NEK10: variants seen among roughly 807,000 people sequenced by gnomAD.
The protein encoded by NEK10 is serine/threonine-protein kinase Nek10.
A neutral mutation model predicts 159.8 loss-of-function variants in NEK10; 122 were observed. That is an observed-to-expected ratio of 0.76 (90% CI 0.66 to 0.89). The LOEUF is 0.89. Among genes scored for constraint, NEK10 ranks in the 40% least tolerant of loss-of-function variants. NEK10 has a pLI of 0.00. For synonymous variants in NEK10, 466 were observed against 457.1 expected (o/e 1.02, Z -0.25); for missense variants, 1,342 against 1,323.1 (o/e 1.01, Z -0.22).
At chr3:27,200,490 C>G (rs1467584159) in intron 25 of NEK10, among the ~76,000 whole-genome samples, 2 of 152,082 alleles carry the variant, frequency 1.3e-5, no homozygotes, top group Admixed American at 6.5e-5. Context: ...CAAGATGGTA[C>G]AGAAATAGCA....
intron 23 of NEK10, among the ~76,000 whole-genome samples, chr3:27,203,714 T>A (rs1458085201): frequency 6.6e-6 from 1 of 152,090 alleles, no homozygotes; most frequent in African/African-American, 2.4e-5. Flanking sequence ...AATTTATAAA[T>A]TGGCATCAAA....
chr3:27,300,405 G>A (rs1385030640), intron 13 of NEK10, among the ~76,000 whole-genome samples: 1 of 152,118 alleles, frequency 6.6e-6, no homozygotes, highest in Non-Finnish European at 1.5e-5. Context: ...CAACCATGTG[G>A]AACTGTAAGT....
chr3:27,131,951 T>A lies in NEK10; in HGVS notation c.3010A>T (p.Ile1004Leu). Residue 1004 changes from isoleucine (I) to leucine (L), a missense_variant, in exon 32 of 36, where the codon ATA becomes TTA. Coordinates refer to ENST00000691995, the MANE Select transcript of NEK10 (RefSeq NM_001394966.1). The part of the protein sequence containing the change: ...ALHHNLKRRV[I>L]ERFKKSLFSQ... Reference sequence around the variant, plus strand: ...AAGAGGGATTTCTTGAATCTCTCTATAACCCTTCTTTTCAAATTGTGGTGC... The same window carrying A: ...AAGAGGGATTTCTTGAATCTCTCTAAAACCCTTCTTTTCAAATTGTGGTGC... 6.2e-7 allele frequency: 1 copy of A among 1,609,012 alleles called. No individual in the cohort carries two copies. The highest frequency in any genetic ancestry group is 8.5e-7 in the Non-Finnish European group (1 of 1,176,294).
intron 30 of NEK10, among the ~76,000 whole-genome samples, chr3:27,156,226 T>C (rs1377456474): frequency 6.6e-6 from 1 of 151,920 alleles, no homozygotes; most frequent in Non-Finnish European, 1.5e-5. Context: ...AAAATCCTTC[T>C]AGAGATTGGC....
At chr3:27,253,777 A>G (rs1443069141) in intron 23 of NEK10, among the ~76,000 whole-genome samples, 1 of 152,210 alleles carries the variant, frequency 6.6e-6, no homozygotes, top group Admixed American at 6.5e-5. Context: ...TCCCAGGTCC[A>G]CATTTATAGG....
rs558428224 is a variant in NEK10 at position 27,136,537 on chromosome 3, G to T, written c.2971-4547C>A. 2.6e-5 allele frequency among the ~76,000 whole-genome samples: 4 copies of T among 152,286 alleles called. No homozygotes were observed. In the East Asian group the frequency reaches 7.7e-4, roughly 29 times the overall value. On this transcript the variant is annotated intron_variant, in intron 31 of 35. Transcript: ENST00000691995. ...ACTGGGCTGTGCAGGTGTGACCTAA[G>T]CAATAACACATAAAGACTCATACTC...
At chr3:27,303,259 T>C (rs778371571) in intron 12 of NEK10, among the ~76,000 whole-genome samples, 5 of 152,204 alleles carry the variant, frequency 3.3e-5, no homozygotes, top group Non-Finnish European at 4.4e-5. Flanking sequence ...AGGATAGTTA[T>C]GACTTCAGCA....
chr3:27,135,354 C>G (rs1407126290), intron 31 of NEK10, among the ~76,000 whole-genome samples: 1 of 152,190 alleles, frequency 6.6e-6, no homozygotes, highest in Non-Finnish European at 1.5e-5. Flanking sequence ...GAAAGTGACT[C>G]TTAAAAAGAT....
chr3:27,353,057 G>C, intron 1 of NEK10, 138 bp from the exon 2 acceptor site: 3 of 584,128 alleles, frequency 5.1e-6, no homozygotes, highest in Non-Finnish European at 9.1e-6. Flanking sequence ...AATAATAAAA[G>C]TGTTAATATG....
rs77059222 is a variant in NEK10, at chr3:27,354,534, G to C, written c.-37-1615C>G. Among the ~76,000 whole-genome samples the C allele has an allele frequency of 6.6e-3, 1,005 of 152,228 alleles. 6 individuals carry two copies. The highest frequency in any genetic ancestry group is 1.0e-2 in the Non-Finnish European group (679 of 68,004). ...TTTCCATTTAATGGCTGCTTAAATGGAGATATTCTGAAAAAAAGCTTTGAG... is the reference window on the plus strand; with the variant it reads ...TTTCCATTTAATGGCTGCTTAAATGCAGATATTCTGAAAAAAAGCTTTGAG... On this transcript the variant is annotated intron_variant, in intron 1 of 35. Coordinates refer to ENST00000691995, the MANE Select transcript of NEK10 (RefSeq NM_001394966.1).
intron 35 of NEK10, among the ~76,000 whole-genome samples, chr3:27,113,179 A>G (rs887855287): frequency 1.3e-5 from 2 of 152,134 alleles, no homozygotes; most frequent in African/African-American, 4.8e-5. Context: ...CATGCCTGTA[A>G]TCCCAGCACT....
At chr3:27,154,459 C>T (rs935067620) in intron 30 of NEK10, among the ~76,000 whole-genome samples, 7 of 152,236 alleles carry the variant, frequency 4.6e-5, no homozygotes, top group East Asian at 1.9e-4. Flanking sequence ...ACGCCAGCAT[C>T]GCCCTAATAC....
intron 23 of NEK10, among the ~76,000 whole-genome samples, chr3:27,238,437 C>T (rs1197300786): frequency 6.6e-6 from 1 of 152,082 alleles, no homozygotes; most frequent in African/African-American, 2.4e-5. Flanking sequence ...AGAGAATATA[C>T]TGATTTTCTA....
intron 13 of NEK10, among the ~76,000 whole-genome samples, chr3:27,300,381 T>C (rs540892592): frequency 2.0e-5 from 3 of 152,292 alleles, no homozygotes; most frequent in South Asian, 4.1e-4. Context: ...TCCACCATGA[T>C]TGTGAGGCTT....
intron 23 of NEK10, among the ~76,000 whole-genome samples, chr3:27,205,258 A>C (rs1345988409): frequency 6.8e-6 from 1 of 147,826 alleles, no homozygotes. Flanking sequence ...GGAAGAATCA[A>C]TATCGTGAAA....
rs565087464 is a variant in NEK10 at position 27,286,444 on chromosome 3, C to T, written c.1789+1254G>A. ...GTGGCAAAGCTGAAGTGCAGTGGCG[C>T]GATCTTGGCTCAGTGCAACCTCTGC... On this transcript the variant is annotated intron_variant, in intron 20 of 35. Coordinates refer to ENST00000691995, the MANE Select transcript of NEK10 (RefSeq NM_001394966.1). Among the ~76,000 whole-genome samples, 109 of 149,786 alleles carry T rather than the reference C, an allele frequency of 7.3e-4. No individual in the cohort carries two copies. The South Asian group carries it at 0.014, about 19-fold the overall frequency.
At chr3:27,324,424 A>G (rs941914563) in intron 5 of NEK10, among the ~76,000 whole-genome samples, 1 of 151,760 alleles carries the variant, frequency 6.6e-6, no homozygotes, top group Middle Eastern at 3.4e-3. Context: ...GACTTCATGA[A>G]CTCCCCCTCA....
intron 26 of NEK10, among the ~76,000 whole-genome samples, chr3:27,180,371 G>A (rs1947950599): frequency 6.6e-6 from 1 of 150,470 alleles, no homozygotes; most frequent in Non-Finnish European, 1.5e-5. Flanking sequence ...CTCCATCCTG[G>A]GTGACAGAGT....
At chr3:27,141,233 A>G (rs1166902590) in intron 31 of NEK10, among the ~76,000 whole-genome samples, 1 of 152,108 alleles carries the variant, frequency 6.6e-6, no homozygotes, top group Non-Finnish European at 1.5e-5. Flanking sequence ...ATTTATGGTG[A>G]AGTTTGGTTT....
Sources: gnomAD v4.1 joint callset for allele counts (sites outside exome capture counted in the v4.1 genomes callset) on GRCh38, gnomAD v4.1.1 for gene constraint, MANE v1.5 for transcripts, NCBI Gene and HGNC (gene_info 2026-07-23, HGNC 2026-07-21) for gene names.